Variants in DYM observed in about 807,000 individuals in gnomAD.
DYM encodes the protein dyggve-Melchior-Clausen syndrome protein.
A neutral mutation model predicts 93.1 loss-of-function variants in DYM; 78 were observed. The observed-to-expected ratio is 0.84, with a 90% CI of 0.70 to 1.01. The LOEUF is 1.01. Among genes scored for constraint, DYM ranks in the 50% least tolerant of loss-of-function variants. The pLI, the probability that DYM is intolerant of heterozygous loss-of-function variation, is 0.00. For synonymous variants in DYM, 321 were observed against 319.7 expected (o/e 1.00, Z -0.04); for missense variants, 789 against 845.0 (o/e 0.93, Z 0.82).
At position 49,161,496 on chromosome 18, in the gene DYM, T is replaced by C. The variant is rs1386473505; in HGVS notation, c.1728+2189A>G. 4.6e-5 allele frequency among the ~76,000 whole-genome samples: 7 copies of C among 152,202 alleles called. 1 individual carries two copies. Among genetic ancestry groups the C allele is most frequent in the Admixed American group, 2.6e-4 (4 of 15,264 alleles). On this transcript the variant is annotated intron_variant, in intron 15 of 17. Transcript: ENST00000675505. ...AATTGCTTATAAATAACAAAACATT[T>C]GCAGATGACCCAAATTCAAGTTTTT...
rs534710810 is a variant in DYM, at chr18:49,283,117, G to A, written c.947-942C>T. ...GCCTAGCCTAAGCTATTATATTTGT[G>A]TACAGTTCTAAATTGTATCAATCCA... On this transcript the variant is annotated intron_variant, in intron 9 of 17. Coordinates refer to ENST00000675505, the MANE Select transcript of DYM (RefSeq NM_001353214.3). Among the ~76,000 whole-genome samples, 7 of 152,216 alleles carry A rather than the reference G, an allele frequency of 4.6e-5. No homozygotes were observed. In the South Asian group the frequency reaches 1.4e-3, roughly 31 times the overall value.
intron 8 of DYM, among the ~76,000 whole-genome samples, chr18:49,324,654 T>C (rs1321960030): frequency 6.6e-6 from 1 of 152,218 alleles, no homozygotes; most frequent in Non-Finnish European, 1.5e-5. Flanking sequence ...ACCAAAAAGA[T>C]TCAAAGTTCT....
intron 6 of DYM, among the ~76,000 whole-genome samples, chr18:49,360,323 T>TA (rs1161704272): frequency 1.9e-3 from 278 of 146,602 alleles, no homozygotes; most frequent in African/African-American, 6.4e-3. Context: ...TTGTGTTATA[T>TA]AAAAAAAAAA....
chr18:49,340,018 T>A (rs1185637988), intron 6 of DYM, among the ~76,000 whole-genome samples: 1 of 152,138 alleles, frequency 6.6e-6, no homozygotes, highest in African/African-American at 2.4e-5. Flanking sequence ...TGGCGCCATC[T>A]CGGCTCACTG....
intron 16 of DYM, among the ~76,000 whole-genome samples, chr18:49,102,880 G>A (rs528669790): frequency 3.1e-4 from 47 of 152,140 alleles, no homozygotes; most frequent in Non-Finnish European, 4.9e-4. Context: ...AAACACACGT[G>A]TGCATGTGTC....
chr18:49,284,736 A>T (rs2095080565), intron 9 of DYM, among the ~76,000 whole-genome samples: 1 of 152,206 alleles, frequency 6.6e-6, no homozygotes, highest in Non-Finnish European at 1.5e-5. Flanking sequence ...ATTAAGCCAT[A>T]CTGTCACCAA....
chr18:49,043,977 C>T lies in DYM; in HGVS notation c.*78G>A, dbSNP rs1054545217. On this transcript the variant is annotated 3_prime_UTR_variant, in exon 18 of 18. Transcript: ENST00000675505. Reference sequence around the variant, plus strand: ...AAGATACACCAAGTAACCTGTCTGTCTACTTCTGTTACCCAGAAATAAAAG... The same window carrying T: ...AAGATACACCAAGTAACCTGTCTGTTTACTTCTGTTACCCAGAAATAAAAG... The T allele has an allele frequency of 1.4e-5, 21 of 1,526,398 alleles. No homozygotes were observed. The highest frequency in any genetic ancestry group is 1.4e-4 in the African/African-American group (10 of 72,786). The allele number at this position is 1,526,398 out of a possible 1,614,324, so 94.6% of individuals were successfully genotyped here.
chr18:49,363,069 T>C, intron 6 of DYM, 92 bp downstream of exon 6: 4 of 988,960 alleles, frequency 4.0e-6, no homozygotes, highest in East Asian at 4.8e-5. Flanking sequence ...ATATAAGTTC[T>C]ATACAAGGAC....
chr18:49,067,571 C>T (rs1262693108), intron 17 of DYM, among the ~76,000 whole-genome samples: 1 of 152,054 alleles, frequency 6.6e-6, no homozygotes, highest in Non-Finnish European at 1.5e-5. Flanking sequence ...CGCTGGCCCT[C>T]GTGGGAAACA....
intron 14 of DYM, among the ~76,000 whole-genome samples, chr18:49,188,681 G>T (rs1291034098): frequency 2.0e-5 from 3 of 152,014 alleles, no homozygotes; most frequent in African/African-American, 7.3e-5. Context: ...ACACACTGGG[G>T]CCTGTTGTGG....
At chr18:49,443,315 TG>T (rs2081825483) in intron 1 of DYM, among the ~76,000 whole-genome samples, 1 of 152,204 alleles carries the variant, frequency 6.6e-6, no homozygotes, top group African/African-American at 2.4e-5. Context: ...ACAGCAGACT[TG>T]GGTAGTTGCT....
At chr18:49,264,358 A>C (rs912532066) in intron 11 of DYM, among the ~76,000 whole-genome samples, 1 of 152,030 alleles carries the variant, frequency 6.6e-6, no homozygotes, top group Admixed American at 6.6e-5. Flanking sequence ...TCTGTATACA[A>C]TTTGAGGAAT....
chr18:49,119,886 G>A (rs1243033687), intron 15 of DYM, among the ~76,000 whole-genome samples: 3 of 151,894 alleles, frequency 2.0e-5, no homozygotes, highest in Non-Finnish European at 4.4e-5. Context: ...TCAGGAGTTC[G>A]AGACCAGCCT....
intron 14 of DYM, among the ~76,000 whole-genome samples, chr18:49,188,528 T>C (rs1017130377): frequency 2.6e-5 from 4 of 152,194 alleles, no homozygotes; most frequent in Non-Finnish European, 4.4e-5. Context: ...GATGAGTTCA[T>C]GTCCTTTGTA....
intron 8 of DYM, among the ~76,000 whole-genome samples, chr18:49,300,589 A>T (rs920831937): frequency 6.6e-6 from 1 of 152,108 alleles, no homozygotes; most frequent in African/African-American, 2.4e-5. Context: ...CAATAGAGCA[A>T]GACTCAGTCT....
In DYM at chr18:49,036,754, C is replaced by T. The variant is rs1197208275; in HGVS notation, c.*7301G>A. 6.6e-6 allele frequency among the ~76,000 whole-genome samples: 1 copy of T among 152,082 alleles called. No individual in the cohort carries two copies. The highest frequency in any genetic ancestry group is 2.4e-5 in the African/African-American group (1 of 41,412). ...TGTGTGTGTAGAGACAGGAGGGTTTCACCATGTTATCCAGGCTGGCTCTTA... is the reference window on the plus strand; with the variant it reads ...TGTGTGTGTAGAGACAGGAGGGTTTTACCATGTTATCCAGGCTGGCTCTTA... On this transcript the variant is annotated 3_prime_UTR_variant, in exon 18 of 18. Coordinates refer to ENST00000675505, the MANE Select transcript of DYM (RefSeq NM_001353214.3).
intron 13 of DYM, among the ~76,000 whole-genome samples, chr18:49,252,552 A>G (rs948721863): frequency 6.6e-6 from 1 of 152,206 alleles, no homozygotes; most frequent in Non-Finnish European, 1.5e-5. Context: ...ACAATTCAAG[A>G]TGAGATTTTG....
chr18:49,045,976 G>A (rs1000792966), intron 17 of DYM, among the ~76,000 whole-genome samples: 1 of 152,170 alleles, frequency 6.6e-6, no homozygotes, highest in Non-Finnish European at 1.5e-5. Context: ...AGAGGCAGGA[G>A]CCTAGTCCAG....
intron 6 of DYM, among the ~76,000 whole-genome samples, chr18:49,345,241 G>A (rs1345943970): frequency 2.0e-5 from 3 of 152,058 alleles, no homozygotes; most frequent in Non-Finnish European, 4.4e-5. Context: ...TCCAAGGCAA[G>A]TCATTTCTTT....
Sources: allele counts gnomAD v4.1 joint callset (sites outside exome capture counted in the v4.1 genomes callset), GRCh38; gene constraint gnomAD v4.1.1; transcripts MANE v1.5; gene names NCBI Gene and HGNC (gene_info 2026-07-23, HGNC 2026-07-21).